Variants in RFX2 observed in about 807,000 individuals in gnomAD.
The protein encoded by RFX2 is DNA-binding protein RFX2.
RFX2 carries 20 observed loss-of-function variants against 87.8 expected under a neutral mutation model. That is an observed-to-expected ratio of 0.23 (90% CI 0.16 to 0.33). The LOEUF is 0.33. Among genes scored for constraint, RFX2 ranks in the 10% least tolerant of loss-of-function variants. RFX2 has a pLI of 1.00. For synonymous variants in RFX2, 397 were observed against 431.3 expected (o/e 0.92, Z 0.98); for missense variants, 767 against 1,012.3 (o/e 0.76, Z 3.29).
rs2086743441 is a variant in RFX2 at position 6,017,427 on chromosome 19, G to A, written c.598-1156C>T. 6.6e-6 allele frequency among the ~76,000 whole-genome samples: 1 copy of A among 152,218 alleles called. No individual in the cohort carries two copies. Among genetic ancestry groups the A allele is most frequent in the African/African-American group, 2.4e-5 (1 of 41,460 alleles). Reference sequence around the variant, plus strand: ...TCACCCAGGTGCCTTAAAGACTGCGGCTTAATTCTGGTTTCCACCTCTCCC... The same window carrying A: ...TCACCCAGGTGCCTTAAAGACTGCGACTTAATTCTGGTTTCCACCTCTCCC... On this transcript the variant is annotated intron_variant, in intron 6 of 17. Coordinates refer to ENST00000303657, the MANE Select transcript of RFX2 (RefSeq NM_000635.4). This position sits in a 1 kb window ranked among gnomAD's most constrained non-coding sequence, Gnocchi z 4.1.
At position 6,101,936 on chromosome 19, in the gene RFX2, A is replaced by T. The variant is rs2088133553; in HGVS notation, c.-9+8457T>A. On this transcript the variant is annotated intron_variant, in intron 1 of 17. Transcript: ENST00000303657. This position sits in a 1 kb window ranked among gnomAD's most constrained non-coding sequence, Gnocchi z 4.9. Reference sequence around the variant, plus strand: ...GAAACACAATGTGGCATATCCATGCAATGGAATATTCTTTAGCCTTAAAAA... The same window carrying T: ...GAAACACAATGTGGCATATCCATGCTATGGAATATTCTTTAGCCTTAAAAA... 6.6e-6 allele frequency among the ~76,000 whole-genome samples: 1 copy of T among 152,242 alleles called. No individual in the cohort carries two copies. Among genetic ancestry groups the T allele is most frequent in the South Asian group, 2.1e-4 (1 of 4,836 alleles).
chr19:6,029,642 G>C (rs2086931756), intron 5 of RFX2, among the ~76,000 whole-genome samples: 1 of 152,064 alleles, frequency 6.6e-6, no homozygotes, highest in Admixed American at 6.5e-5. Context: ...TGGGAGGCGG[G>C]GTTTGTAGTG....
intron 17 of RFX2, 49 bp downstream of exon 17, chr19:5,995,552 T>C: frequency 6.6e-7 from 1 of 1,521,970 alleles, no homozygotes; most frequent in East Asian, 2.5e-5. Flanking sequence ...CGGCCAGGAG[T>C]ACCACCCTCC....
intron 6 of RFX2, among the ~76,000 whole-genome samples, chr19:6,019,327 C>A (rs1052902675): frequency 5.9e-5 from 9 of 152,158 alleles, no homozygotes; most frequent in Non-Finnish European, 1.0e-4. Flanking sequence ...CACCCTTCAT[C>A]TTCCGACTTT....
At chr19:6,052,987 G>A (rs2087285537) in intron 1 of RFX2, among the ~76,000 whole-genome samples, 1 of 152,038 alleles carries the variant, frequency 6.6e-6, no homozygotes, top group African/African-American at 2.4e-5. Flanking sequence ...ATATGCTTAT[G>A]TTAGAAAGAT....
chr19:6,035,683 A>G (rs1044753763), intron 5 of RFX2, among the ~76,000 whole-genome samples: 5 of 152,162 alleles, frequency 3.3e-5, no homozygotes, highest in Admixed American at 1.3e-4. Context: ...TTCTGTTGCA[A>G]TTTCAGGGCC....
At chr19:6,104,404 C>T (rs1490816719) in intron 1 of RFX2, among the ~76,000 whole-genome samples, 3 of 145,272 alleles carry the variant, frequency 2.1e-5, no homozygotes, top group Admixed American at 6.7e-5. Flanking sequence ...CCCGTCTCTA[C>T]TAAAAATACA....
intron 1 of RFX2, among the ~76,000 whole-genome samples, chr19:6,066,182 G>A (rs1262619988): frequency 6.6e-6 from 1 of 152,122 alleles, no homozygotes; most frequent in Non-Finnish European, 1.5e-5. Context: ...CATCAACAGG[G>A]CACTTTGTTA....
chr19:6,058,980 CCTGA>C (rs1390398508), intron 1 of RFX2, among the ~76,000 whole-genome samples: 2 of 151,948 alleles, frequency 1.3e-5, no homozygotes, highest in Non-Finnish European at 2.9e-5. Flanking sequence ...CCTTTAGAAA[CCTGA>C]CTTTTTTTTT....
At position 6,020,597 on chromosome 19, in the gene RFX2, C is replaced by A. The variant is rs761388051; in HGVS notation, c.598-4326G>T. ...GTGCTGGAGCCCACACCTGGCGGCA[C>A]GTCAGACTGCGGCAAGCATCACAGG... On this transcript the variant is annotated intron_variant, in intron 6 of 17. Transcript: ENST00000303657. This position sits in a 1 kb window ranked among gnomAD's most constrained non-coding sequence, Gnocchi z 5.3. Among the ~76,000 whole-genome samples, 1 of 152,204 alleles carries A rather than the reference C, an allele frequency of 6.6e-6. No homozygotes were observed. The highest frequency in any genetic ancestry group is 2.4e-5 in the African/African-American group (1 of 41,460).
rs76394330 is a variant in RFX2, at chr19:5,999,998, T to C, written c.1859+1817A>G. 4.6e-5 allele frequency among the ~76,000 whole-genome samples: 7 copies of C among 151,508 alleles called. No individual in the cohort carries two copies. Among genetic ancestry groups the C allele is most frequent in the African/African-American group, 1.7e-4 (7 of 41,234 alleles). ...AACTTGTTCTTATTTTTTTTTTTTT[T>C]CTTGAGATGGAGTTTGGCTCCTGTT... On this transcript the variant is annotated intron_variant, in intron 15 of 17. Coordinates refer to ENST00000303657, the MANE Select transcript of RFX2 (RefSeq NM_000635.4). The surrounding 1 kb of genome is among the most constrained non-coding windows in gnomAD (Gnocchi z 4.1).
chr19:6,042,098 G>A lies in RFX2; in HGVS notation c.206C>T (p.Pro69Leu). 6.2e-7 allele frequency: 1 copy of A among 1,613,992 alleles called. No homozygotes were observed. The highest frequency in any genetic ancestry group is 8.5e-7 in the Non-Finnish European group (1 of 1,180,004). The change falls in exon 4 of 18, where the codon CCT becomes CTT. Residue 69 changes from proline (P) to leucine (L), a missense_variant. Physicochemically the swap from Pro to Leu is moderately conservative, Grantham distance 98 (BLOSUM62 -3). Coordinates refer to ENST00000303657, the MANE Select transcript of RFX2 (RefSeq NM_000635.4). Reference protein sequence around the residue: ...QQVQPVQHVYPAQVQYVEGGD... With the variant: ...QQVQPVQHVYLAQVQYVEGGD... ...CCCTTCCACGTACTGCACCTGGGCA[G>A]GATACACGTGCTGCACCGGCTGCAC...
intron 5 of RFX2, among the ~76,000 whole-genome samples, chr19:6,033,635 A>C (rs2086979779): frequency 1.3e-5 from 2 of 151,632 alleles, no homozygotes; most frequent in African/African-American, 4.8e-5. Context: ...AAAAAAAAAA[A>C]ACCCTATAAA....
In RFX2 at chr19:6,101,333, G is replaced by A. The variant is rs531202683; in HGVS notation, c.-9+9060C>T. The stretch of plus-strand genomic sequence containing the variant: ...CCAAATATATTTTTTCTCAAGGCAG[G>A]CTACATCTGTCTGTATGTATTCTGA... On this transcript the variant is annotated intron_variant, in intron 1 of 17. Coordinates refer to ENST00000303657, the MANE Select transcript of RFX2 (RefSeq NM_000635.4). This position sits in a 1 kb window ranked among gnomAD's most constrained non-coding sequence, Gnocchi z 4.9. Among the ~76,000 whole-genome samples, 1 of 152,248 alleles carries A rather than the reference G, an allele frequency of 6.6e-6. No homozygotes were observed. Among genetic ancestry groups the A allele is most frequent in the African/African-American group, 2.4e-5 (1 of 41,546 alleles).
chr19:6,105,194 T>C (rs936063452), intron 1 of RFX2, among the ~76,000 whole-genome samples: 1 of 151,682 alleles, frequency 6.6e-6, no homozygotes, highest in Non-Finnish European at 1.5e-5. Context: ...AAGAGGACAG[T>C]GATAATACAA....
At chr19:6,107,616 C>CAAAAAAAAAA (rs1156483792) in intron 1 of RFX2, among the ~76,000 whole-genome samples, 1,793 of 31,548 alleles carry the variant, frequency 0.057, 179 homozygotes, top group Non-Finnish European at 0.085. Flanking sequence ...GACCCTGTCT[C>CAAAAAAAAAA]AAAAAAAAAA....
intron 1 of RFX2, among the ~76,000 whole-genome samples, chr19:6,091,491 T>C (rs2087934772): frequency 6.7e-6 from 1 of 149,822 alleles, no homozygotes. Flanking sequence ...TTTATCACAA[T>C]TGAAAAAAGA....
At chr19:5,995,753 AG>A in intron 16 of RFX2, 110 bp from the exon 17 acceptor site, 1 of 947,668 alleles carries the variant, frequency 1.1e-6, no homozygotes, top group Non-Finnish European at 1.7e-6. Context: ...CTCCATTCAC[AG>A]TGAAGCAGCT....
chr19:5,997,271 A>G lies in RFX2; in HGVS notation c.1860-58T>C, dbSNP rs372613961. The G allele has an allele frequency of 4.5e-5, 69 of 1,526,254 alleles. No homozygotes were observed. The highest frequency in any genetic ancestry group is 4.5e-4 in the South Asian group (37 of 83,090). The allele number at this position is 1,526,254 out of a possible 1,614,324, so 94.5% of individuals were successfully genotyped here. A position where few individuals can be genotyped will look rare whatever the true frequency, so the allele number is the denominator to read the frequency against. ...CAGGGGAGCATGGAACCCGGGCCCC[A>G]GGCCAGACTTCATGGCAGCAACACA... On this transcript the variant is annotated intron_variant, in intron 15 of 17. Coordinates refer to ENST00000303657, the MANE Select transcript of RFX2 (RefSeq NM_000635.4). This position sits in a 1 kb window ranked among gnomAD's most constrained non-coding sequence, Gnocchi z 4.2.
Sources: allele counts gnomAD v4.1 joint callset (sites outside exome capture counted in the v4.1 genomes callset), GRCh38; gene constraint gnomAD v4.1.1; non-coding constraint Gnocchi (gnomAD v3.1); transcripts MANE v1.5; gene names NCBI Gene and HGNC (gene_info 2026-07-23, HGNC 2026-07-21).